UMPS: variants seen among roughly 807,000 people sequenced by gnomAD.
The protein encoded by UMPS is uridine 5'-monophosphate synthase.
A neutral mutation model predicts 38.9 loss-of-function variants in UMPS; 21 were observed. The observed-to-expected ratio is 0.54, with a 90% CI of 0.38 to 0.78. The LOEUF (loss-of-function observed/expected upper bound fraction) is 0.78. UMPS is among the 30% of genes least tolerant of loss of function. UMPS has a pLI of 0.00. For synonymous variants in UMPS, 208 were observed against 219.3 expected (o/e 0.95, Z 0.45); for missense variants, 533 against 591.6 (o/e 0.90, Z 1.03).
rs1218530999 is a variant in UMPS at position 124,747,760 on chromosome 3, G to A, written c.*3676G>A. Reference sequence around the variant, plus strand: ...GGAAGACAAAAACTGGGCTCCACCAGGAACCAGTCTTCTGCCTTCCCAACC... The same window carrying A: ...GGAAGACAAAAACTGGGCTCCACCAAGAACCAGTCTTCTGCCTTCCCAACC... On this transcript the variant is annotated 3_prime_UTR_variant, in exon 6 of 6. Transcript: ENST00000232607. 1 of 451,688 alleles carries A rather than the reference G, an allele frequency of 2.2e-6. No homozygotes were observed. The allele number at this position is 451,688 out of a possible 1,614,324, so 28.0% of individuals were successfully genotyped here.
chr3:124,735,489 A>G (rs1328504017), intron 2 of UMPS, among the ~76,000 whole-genome samples: 1 of 151,464 alleles, frequency 6.6e-6, no homozygotes, highest in African/African-American at 2.4e-5. Flanking sequence ...TGAAACTCCA[A>G]CATTTTTTTT....
Position 124,747,667 on chromosome 3 carries a change from A to G in UMPS, c.*3583A>G, listed in dbSNP as rs774442302. On this transcript the variant is annotated 3_prime_UTR_variant, in exon 6 of 6. Transcript: ENST00000232607. The stretch of plus-strand genomic sequence containing the variant: ...ATGCCATGGAGTTCCAGGGTGGTTT[A>G]TTACACGGCAATATCTAGCTAAATA... The G allele has an allele frequency of 1.7e-4, 75 of 453,132 alleles. 1 individual carries two copies. The highest frequency in any genetic ancestry group is 3.1e-4 in the Non-Finnish European group (70 of 226,052). 28.1% of individuals were successfully genotyped at this position (453,132 alleles called of 1,614,324 possible).
At position 124,738,064 on chromosome 3, in the gene UMPS, A is replaced by G. The variant is rs2063529970; in HGVS notation, c.807A>G (p.Leu269=). ...DVSLARELLQ[L]ADALGPSICM... ...CACTGGCCAGAGAGCTGTTGCAGCT[A>G]GCAGATGCTTTAGGACCTAGTATCT... The change falls in exon 3 of 6, where the codon CTA becomes CTG. Residue 269 remains leucine, a synonymous_variant. Transcript: ENST00000232607. 3 of 1,614,262 alleles carry G rather than the reference A, an allele frequency of 1.9e-6. No homozygotes were observed. Among genetic ancestry groups the G allele is most frequent in the Non-Finnish European group, 2.5e-6 (3 of 1,180,048 alleles).
Position 124,737,575 on chromosome 3 carries a change from G to T in UMPS, c.318G>T (p.Lys106Asn), listed in dbSNP as rs1319322427. Reference protein sequence around the residue: ...RRKETKDYGTKRLVEGTINPG... With the variant: ...RRKETKDYGTNRLVEGTINPG... ...AAATTTTTTCTTTTCTAGGAACTAA[G>T]CGTCTTGTAGAAGGAACTATTAATC... is the stretch of plus-strand genomic sequence containing the variant. Residue 106 changes from lysine to asparagine, a missense_variant, in exon 3 of 6, where the codon AAG (lysine) becomes AAT (asparagine). By Grantham distance (94) the Lys-to-Asn change is moderately conservative. Coordinates refer to ENST00000232607, the MANE Select transcript of UMPS (RefSeq NM_000373.4). 2 of 1,614,174 alleles carry T rather than the reference G, an allele frequency of 1.2e-6. No homozygotes were observed. Among genetic ancestry groups the T allele is most frequent in the Non-Finnish European group, 1.7e-6 (2 of 1,180,030 alleles).
chr3:124,743,852 G>A, intron 5 of UMPS, 63 bp from the exon 6 acceptor site: 1 of 1,599,626 alleles, frequency 6.3e-7, no homozygotes, highest in Non-Finnish European at 8.5e-7. Flanking sequence ...TTTCAGAGAA[G>A]TCATGTGACA....
rs1480660835 is a variant in UMPS at position 124,745,912 on chromosome 3, G to C, written c.*1828G>C. The C allele has an allele frequency of 2.2e-6, 1 of 454,074 alleles. No individual in the cohort carries two copies. The highest frequency in any genetic ancestry group is 4.4e-6 in the Non-Finnish European group (1 of 226,760). The allele number at this position is 454,074 out of a possible 1,614,324, so 28.1% of individuals were successfully genotyped here. ...AGGTATCAGAGTCACCTGGAGTCTTGTCAAAACAGGTACCAGCCCCACCCG... is the reference window on the plus strand; with the variant it reads ...AGGTATCAGAGTCACCTGGAGTCTTCTCAAAACAGGTACCAGCCCCACCCG... On this transcript the variant is annotated 3_prime_UTR_variant, in exon 6 of 6. Transcript: ENST00000232607.
chr3:124,731,481 A>G (rs1338941505), intron 1 of UMPS: 1 of 439,186 alleles, frequency 2.3e-6, no homozygotes, highest in South Asian at 1.7e-5. Flanking sequence ...CGCTTGTGTT[A>G]TTATTTTATT....
Position 124,747,201 on chromosome 3 carries a change from T to C in UMPS, c.*3117T>C, listed in dbSNP as rs540274220. On this transcript the variant is annotated 3_prime_UTR_variant, in exon 6 of 6. Coordinates refer to ENST00000232607, the MANE Select transcript of UMPS (RefSeq NM_000373.4). ...CACCACAGCTGGTTAATTTTTAAAA[T>C]TTTTTGTAGAGACGGTGGAGGAGGT... The C allele has an allele frequency of 3.1e-5, 14 of 453,508 alleles. No homozygotes were observed. Among genetic ancestry groups the C allele is most frequent in the African/African-American group, 2.4e-4 (12 of 50,098 alleles). The allele number at this position is 453,508 out of a possible 1,614,324, so 28.1% of individuals were successfully genotyped here. A position where few individuals can be genotyped will look rare whatever the true frequency, so the allele number is the denominator to read the frequency against.
chr3:124,734,205 A>G (rs1359175351), intron 1 of UMPS, among the ~76,000 whole-genome samples: 1 of 152,128 alleles, frequency 6.6e-6, no homozygotes, highest in Non-Finnish European at 1.5e-5. Context: ...CTTTAGAAGT[A>G]CTGGTGTAAA....
chr3:124,746,040 T>G lies in UMPS; in HGVS notation c.*1956T>G, dbSNP rs1420475757. 2.2e-6 allele frequency: 1 copy of G among 454,146 alleles called. No individual in the cohort carries two copies. Among genetic ancestry groups the G allele is most frequent in the Non-Finnish European group, 4.4e-6 (1 of 226,796 alleles). 28.1% of individuals were successfully genotyped at this position (454,146 alleles called of 1,614,324 possible). A position where few individuals can be genotyped will look rare whatever the true frequency, so the allele number is the denominator to read the frequency against. ...GGTTGCCTGCGCAGGGACTGGACTT[T>G]GAGAACCACTTCACTGGTTATTCAC... On this transcript the variant is annotated 3_prime_UTR_variant, in exon 6 of 6. Coordinates refer to ENST00000232607, the MANE Select transcript of UMPS (RefSeq NM_000373.4).
rs1401900790 is a variant in UMPS at position 124,744,384 on chromosome 3, C to T, written c.*300C>T. The T allele has an allele frequency of 3.0e-5, 15 of 495,654 alleles. No homozygotes were observed. Among genetic ancestry groups the T allele is most frequent in the Admixed American group, 2.5e-4 (11 of 43,692 alleles). 30.7% of individuals were successfully genotyped at this position (495,654 alleles called of 1,614,324 possible). A position where few individuals can be genotyped will look rare whatever the true frequency, so the allele number is the denominator to read the frequency against. ...ACATTTGAGGATCCTTCCTATCTCTCCATGGGACTAGACTGCTTTGTTATT... is the reference window on the plus strand; with the variant it reads ...ACATTTGAGGATCCTTCCTATCTCTTCATGGGACTAGACTGCTTTGTTATT... On this transcript the variant is annotated 3_prime_UTR_variant, in exon 6 of 6. Coordinates refer to ENST00000232607, the MANE Select transcript of UMPS (RefSeq NM_000373.4).
chr3:124,748,551 T>G lies in UMPS; in HGVS notation c.*4467T>G. ...TTCCCACCAAGGGGGAAAGTCTTCC[T>G]CTAGACAAGAGGCAGAGGGCTCCTC... is the stretch of plus-strand genomic sequence containing the variant. On this transcript the variant is annotated 3_prime_UTR_variant, in exon 6 of 6. Coordinates refer to ENST00000232607, the MANE Select transcript of UMPS (RefSeq NM_000373.4). The G allele has an allele frequency of 2.2e-6, 1 of 454,104 alleles. No individual in the cohort carries two copies. The highest frequency in any genetic ancestry group is 4.4e-6 in the Non-Finnish European group (1 of 226,790). 28.1% of individuals were successfully genotyped at this position (454,104 alleles called of 1,614,324 possible).
rs1229914290 is a variant in UMPS at position 124,748,158 on chromosome 3, T to C, written c.*4074T>C. 2.2e-6 allele frequency: 1 copy of C among 448,896 alleles called. No individual in the cohort carries two copies. The highest frequency in any genetic ancestry group is 4.4e-6 in the Non-Finnish European group (1 of 225,576). 27.8% of individuals were successfully genotyped at this position (448,896 alleles called of 1,614,324 possible). A position where few individuals can be genotyped will look rare whatever the true frequency, so the allele number is the denominator to read the frequency against. ...TTGCCCAGGCTGGTCTCGAACTCCT[T>C]AGCTCAAGTGATCCTCCTGCCTTGG... On this transcript the variant is annotated 3_prime_UTR_variant, in exon 6 of 6. Transcript: ENST00000232607.
intron 2 of UMPS, 50 bp from the exon 3 acceptor site, chr3:124,737,518 A>C (rs766877164): frequency 6.4e-7 from 1 of 1,557,208 alleles, no homozygotes; most frequent in Non-Finnish European, 8.9e-7. Flanking sequence ...ATATACGCAC[A>C]TATACATACA....
Position 124,747,054 on chromosome 3 carries a change from C to G in UMPS, c.*2970C>G. 1 of 453,808 alleles carries G rather than the reference C, an allele frequency of 2.2e-6. No individual in the cohort carries two copies. The highest frequency in any genetic ancestry group is 4.4e-6 in the Non-Finnish European group (1 of 226,648). 28.1% of individuals were successfully genotyped at this position (453,808 alleles called of 1,614,324 possible). ...CAGGGTCTTCACTCTGTTGCCCAGG[C>G]TGGAGTATATCATGGCTCACTGCAA... On this transcript the variant is annotated 3_prime_UTR_variant, in exon 6 of 6. Coordinates refer to ENST00000232607, the MANE Select transcript of UMPS (RefSeq NM_000373.4).
chr3:124,749,085 C>T lies in UMPS; in HGVS notation c.*5001C>T, dbSNP rs1179067501. Reference sequence around the variant, plus strand: ...CACTTAGCAGCCCTGCAGGGTGAGACTTGGGGAGGATCCTGAAATGATTGT... The same window carrying T: ...CACTTAGCAGCCCTGCAGGGTGAGATTTGGGGAGGATCCTGAAATGATTGT... On this transcript the variant is annotated 3_prime_UTR_variant, in exon 6 of 6. Coordinates refer to ENST00000232607, the MANE Select transcript of UMPS (RefSeq NM_000373.4). 4.4e-6 allele frequency: 2 copies of T among 453,962 alleles called. No homozygotes were observed. The highest frequency in any genetic ancestry group is 8.8e-6 in the Non-Finnish European group (2 of 226,788). 28.1% of individuals were successfully genotyped at this position (453,962 alleles called of 1,614,324 possible). A position where few individuals can be genotyped will look rare whatever the true frequency, so the allele number is the denominator to read the frequency against.
At position 124,742,321 on chromosome 3, in the gene UMPS, G is replaced by A. The variant is rs56889361; in HGVS notation, c.1273+55G>A. Reference sequence around the variant, plus strand: ...CAAAAATGCTTCTTTACCCATGGCAGGCAAAATAAAACTTTGCATATTATT... The same window carrying A: ...CAAAAATGCTTCTTTACCCATGGCAAGCAAAATAAAACTTTGCATATTATT... On this transcript the variant is annotated intron_variant, in intron 5 of 5. Coordinates refer to ENST00000232607, the MANE Select transcript of UMPS (RefSeq NM_000373.4). 6.1e-4 allele frequency: 818 copies of A among 1,330,332 alleles called. 6 individuals are homozygous for A. In the African/African-American group the frequency reaches 0.01, roughly 17 times the overall value. The allele number at this position is 1,330,332 out of a possible 1,614,324, so 82.4% of individuals were successfully genotyped here.
intron 2 of UMPS, among the ~76,000 whole-genome samples, chr3:124,736,579 AGGT>A (rs1304640976): frequency 2.0e-5 from 3 of 152,098 alleles, no homozygotes; most frequent in African/African-American, 7.2e-5. Context: ...CTGGGATTAC[AGGT>A]GTGAGCCACT....
Position 124,747,911 on chromosome 3 carries a change from C to G in UMPS, c.*3827C>G, listed in dbSNP as rs2063614948. ...AAATGACCATGAGTAACCCTGTGGACTCTCTGCAGCTTGGTTCCTTTGCCC... is the reference window on the plus strand; with the variant it reads ...AAATGACCATGAGTAACCCTGTGGAGTCTCTGCAGCTTGGTTCCTTTGCCC... On this transcript the variant is annotated 3_prime_UTR_variant, in exon 6 of 6. Coordinates refer to ENST00000232607, the MANE Select transcript of UMPS (RefSeq NM_000373.4). 1 of 453,638 alleles carries G rather than the reference C, an allele frequency of 2.2e-6. No homozygotes were observed. Among genetic ancestry groups the G allele is most frequent in the African/African-American group, 2.0e-5 (1 of 49,898 alleles). 28.1% of individuals were successfully genotyped at this position (453,638 alleles called of 1,614,324 possible).
Sources: gnomAD v4.1 joint callset for allele counts (sites outside exome capture counted in the v4.1 genomes callset) on GRCh38, gnomAD v4.1.1 for gene constraint, MANE v1.5 for transcripts, NCBI Gene and HGNC (gene_info 2026-07-23, HGNC 2026-07-21) for gene names.